SLC18A1: variants seen among roughly 807,000 people sequenced by gnomAD.
SLC18A1 encodes solute carrier family 18 member A1.
Under a neutral mutation model 53.7 loss-of-function variants are expected in SLC18A1, and 69 were observed. The ratio of observed to expected loss-of-function variants is 1.28; its 90% CI spans 1.06 to 1.57. SLC18A1 has a LOEUF of 1.57. SLC18A1 is among the 40% of genes most tolerant of loss of function. The probability of loss-of-function intolerance (pLI) is 0.00; values close to 1 mark genes in which losing one functional copy is unlikely to be tolerated. For synonymous variants in SLC18A1, 320 were observed against 248.1 expected (o/e 1.29, Z -2.72); for missense variants, 932 against 668.1 (o/e 1.40, Z -4.35).
intron 10 of SLC18A1, among the ~76,000 whole-genome samples, chr8:20,154,646 A>T (rs1563731617): frequency 6.6e-6 from 1 of 152,200 alleles, no homozygotes; most frequent in Non-Finnish European, 1.5e-5. Context: ...GTTCAGAGAA[A>T]AGGATGAGGG....
chr8:20,149,071 C>T (rs17092106), intron 12 of SLC18A1, among the ~76,000 whole-genome samples: 1 of 152,156 alleles, frequency 6.6e-6, no homozygotes, highest in Non-Finnish European at 1.5e-5. Context: ...TTTACAGTGC[C>T]TTGTAGCCCT....
At chr8:20,171,950 T>C (rs891041666) in intron 6 of SLC18A1, among the ~76,000 whole-genome samples, 3 of 152,194 alleles carry the variant, frequency 2.0e-5, no homozygotes, top group East Asian at 1.9e-4. Context: ...AAGCGGGTGT[T>C]AGCAGAGTAT....
At chr8:20,148,137 G>A (rs547838022) in intron 12 of SLC18A1, 67 bp from the exon 13 acceptor site, 8 of 1,380,944 alleles carry the variant, frequency 5.8e-6, no homozygotes, top group South Asian at 2.3e-5. Flanking sequence ...GGTTCAAAGA[G>A]TTTTCACATG....
rs774277620 is a variant in SLC18A1, at chr8:20,180,792, C to T, written c.124+49G>A. 6.4e-5 allele frequency: 103 copies of T among 1,609,010 alleles called. No individual in the cohort carries two copies. The Admixed American group carries it at 1.7e-3, about 27-fold the overall frequency. ...ACTCAAGCAGGGTGTACACTGCCTG[C>T]TGGGGCCCACAGCAAATTAACCCTC... is the stretch of plus-strand genomic sequence containing the variant. On this transcript the variant is annotated intron_variant, in intron 2 of 15. Transcript: ENST00000276373.
intron 6 of SLC18A1, among the ~76,000 whole-genome samples, chr8:20,172,756 G>C (rs1246941139): frequency 6.6e-6 from 1 of 152,180 alleles, no homozygotes; most frequent in Non-Finnish European, 1.5e-5. Flanking sequence ...CCATGCTCTG[G>C]TGCTGTGTGC....
rs1327290421 is a variant in SLC18A1, at chr8:20,147,684, G to A, written c.1249C>T (p.Leu417=). The change falls in exon 14 of 16, where the codon CTG becomes TTG. Residue 417 remains leucine, a synonymous_variant. Transcript: ENST00000276373. ...DSSMMPIMGH[L]VDLRHTSVYG... is the part of the protein sequence containing the mutation. Reference sequence around the variant, plus strand: ...ACCGAGGTGTGGCGTAGATCCACCAGGTGCCCCATGATGGGCATCATAGAA... The same window carrying A: ...ACCGAGGTGTGGCGTAGATCCACCAAGTGCCCCATGATGGGCATCATAGAA... 3.1e-6 allele frequency: 5 copies of A among 1,613,802 alleles called. No homozygotes were observed. Among genetic ancestry groups the A allele is most frequent in the Admixed American group, 1.7e-5 (1 of 59,990 alleles).
In SLC18A1 at chr8:20,145,342, G is replaced by C. The variant is rs1219310622; in HGVS notation, c.*421C>G. 1.3e-5 allele frequency: 2 copies of C among 154,162 alleles called. No homozygotes were observed. The highest frequency in any genetic ancestry group is 4.8e-5 in the African/African-American group (2 of 41,486). 9.5% of individuals were successfully genotyped at this position (154,162 alleles called of 1,614,324 possible). A position where few individuals can be genotyped will look rare whatever the true frequency, so the allele number is the denominator to read the frequency against. ...GGAAAGAACACGTTGAGGAAAAGAGGGTAACACTCTTCCGATCTGTTGGGA... is the reference window on the plus strand; with the variant it reads ...GGAAAGAACACGTTGAGGAAAAGAGCGTAACACTCTTCCGATCTGTTGGGA... On this transcript the variant is annotated 3_prime_UTR_variant, in exon 16 of 16. Coordinates refer to ENST00000276373, the MANE Select transcript of SLC18A1 (RefSeq NM_003053.4).
intron 8 of SLC18A1, 22 bp downstream of exon 8, chr8:20,171,081 A>T (rs768792018): frequency 6.2e-7 from 1 of 1,613,400 alleles, no homozygotes; most frequent in East Asian, 2.2e-5. Flanking sequence ...ACTGTTAGAA[A>T]TGGAGCTTTG....
In SLC18A1 at chr8:20,145,506, C is replaced by G; in HGVS notation, c.*257G>C. The G allele has an allele frequency of 3.2e-6, 1 of 311,194 alleles. No homozygotes were observed. Among genetic ancestry groups the G allele is most frequent in the Non-Finnish European group, 5.9e-6 (1 of 169,410 alleles). 19.3% of individuals were successfully genotyped at this position (311,194 alleles called of 1,614,324 possible). On this transcript the variant is annotated 3_prime_UTR_variant, in exon 16 of 16. Transcript: ENST00000276373. ...CCGTCACAGCTCAAGTTTAATCAAC[C>G]TCACAGCAGCGGGAAGGTGCATCAC... is the stretch of plus-strand genomic sequence containing the variant.
intron 6 of SLC18A1, among the ~76,000 whole-genome samples, chr8:20,172,664 A>G (rs1489836832): frequency 6.6e-6 from 1 of 152,152 alleles, no homozygotes; most frequent in South Asian, 2.1e-4. Flanking sequence ...TAATGGGGAA[A>G]ATCATTCCTC....
Position 20,158,134 on chromosome 8 carries a change from G to T in SLC18A1, c.1015+6735C>A, listed in dbSNP as rs57212903. On this transcript the variant is annotated intron_variant, in intron 10 of 15. Coordinates refer to ENST00000276373, the MANE Select transcript of SLC18A1 (RefSeq NM_003053.4). ...TGTCATCACCCTCACAGAGCCCTGG[G>T]TATGCTTGACCTTTGAGGGCCAGGA... 7.1e-3 allele frequency among the ~76,000 whole-genome samples: 1,079 copies of T among 152,266 alleles called. 15 individuals carry two copies. The highest frequency in any genetic ancestry group is 0.023 in the African/African-American group (972 of 41,558).
intron 4 of SLC18A1, among the ~76,000 whole-genome samples, chr8:20,177,236 A>G (rs1027045921): frequency 1.3e-5 from 2 of 152,200 alleles, no homozygotes; most frequent in Non-Finnish European, 2.9e-5. Flanking sequence ...CTCAGAGACA[A>G]CCTCACATCT....
intron 5 of SLC18A1, 43 bp downstream of exon 5, chr8:20,174,318 G>A (rs376379399): frequency 1.2e-5 from 15 of 1,293,848 alleles, no homozygotes; most frequent in South Asian, 1.2e-5. Flanking sequence ...GTGTGTGTGT[G>A]CATGCCTGCA....
chr8:20,169,341 C>A (rs1454331630), intron 8 of SLC18A1, among the ~76,000 whole-genome samples: 2 of 152,000 alleles, frequency 1.3e-5, no homozygotes, highest in Non-Finnish European at 2.9e-5. Context: ...GAAAAAAAGA[C>A]TTCCATGGAA....
intron 10 of SLC18A1, among the ~76,000 whole-genome samples, chr8:20,161,638 G>A (rs2071832600): frequency 6.6e-6 from 1 of 152,206 alleles, no homozygotes; most frequent in East Asian, 1.9e-4. Context: ...GTGGAACAAA[G>A]ATAGAACAGG....
At chr8:20,180,732 T>C in intron 2 of SLC18A1, 109 bp downstream of exon 2, 2 of 1,419,396 alleles carry the variant, frequency 1.4e-6, no homozygotes, top group Non-Finnish European at 1.9e-6. Flanking sequence ...TTTTTGAGCA[T>C]AAAAAGGAAA....
chr8:20,174,405 G>A lies in SLC18A1; in HGVS notation c.587C>T (p.Ala196Val), dbSNP rs1200635694. 3 of 1,613,872 alleles carry A rather than the reference G, an allele frequency of 1.9e-6. No individual in the cohort carries two copies. Among genetic ancestry groups the A allele is most frequent in the East Asian group, 2.2e-5 (1 of 44,886 alleles). The change falls in exon 5 of 16, where the codon GCC becomes GTC. Residue 196 changes from alanine (A) to valine (V), a missense_variant. Coordinates refer to ENST00000276373, the MANE Select transcript of SLC18A1 (RefSeq NM_003053.4). ...FSGTYTLLFV[A>V]RTLQGIGSSF... ...AGATCCAATGCCTTGAAGGGTTCGG[G>A]CCACAAAGAGTAGAGTATAGGTCCC...
In SLC18A1 at chr8:20,169,686, C is replaced by T. The variant is rs957625656; in HGVS notation, c.858+1417G>A. Among the ~76,000 whole-genome samples, 6 of 152,230 alleles carry T rather than the reference C, an allele frequency of 3.9e-5. 1 individual carries two copies. Among genetic ancestry groups the T allele is most frequent in the Admixed American group, 1.3e-4 (2 of 15,284 alleles). ...TTGAGCTCAGGAGTTCGAGACCAGCCTGGCCAACATGGTGAAATCCTGTCT... is the reference window on the plus strand; with the variant it reads ...TTGAGCTCAGGAGTTCGAGACCAGCTTGGCCAACATGGTGAAATCCTGTCT... On this transcript the variant is annotated intron_variant, in intron 8 of 15. Coordinates refer to ENST00000276373, the MANE Select transcript of SLC18A1 (RefSeq NM_003053.4).
chr8:20,149,565 T>G, intron 12 of SLC18A1, 111 bp downstream of exon 12: 1 of 828,984 alleles, frequency 1.2e-6, no homozygotes, highest in Non-Finnish European at 1.9e-6. Context: ...TTTAAATGTC[T>G]GTGTCTTTCT....
Sources: gnomAD v4.1 joint callset for allele counts (sites outside exome capture counted in the v4.1 genomes callset) on GRCh38, gnomAD v4.1.1 for gene constraint, MANE v1.5 for transcripts, NCBI Gene and HGNC (gene_info 2026-07-23, HGNC 2026-07-21) for gene names.